THEMIS: variants seen among roughly 807,000 people sequenced by gnomAD.
THEMIS encodes thymocyte selection associated.
Under a neutral mutation model 52.6 loss-of-function variants are expected in THEMIS, and 37 were observed. That is an observed-to-expected ratio of 0.70 (90% confidence interval 0.54 to 0.93). THEMIS has a LOEUF of 0.93. THEMIS is among the 40% of genes least tolerant of loss of function. THEMIS has a pLI of 0.00. For missense variants in THEMIS, 808 were observed against 763.1 expected, an observed-to-expected ratio of 1.06 and a Z score of -0.69; for synonymous variants, 292 against 272.7, an observed-to-expected ratio of 1.07 and a Z score of -0.70.
rs185236025 is a variant in THEMIS, at chr6:127,711,603, T to C, written c.1895-1587A>G. On this transcript the variant is annotated intron_variant, in intron 5 of 5. Coordinates refer to ENST00000368248, the MANE Select transcript of THEMIS (RefSeq NM_001010923.3). ...ACTGTCCTCAATGGCTGCCTTTAGC[T>C]TTTTAGATCTTTCTTATATGACAAA... 5.8e-3 allele frequency among the ~76,000 whole-genome samples: 882 copies of C among 152,090 alleles called. 5 individuals carry two copies. The highest frequency in any genetic ancestry group is 1.0e-2 in the Non-Finnish European group (678 of 67,918).
intron 4 of THEMIS, among the ~76,000 whole-genome samples, chr6:127,731,859 G>A (rs1442090162): frequency 1.0e-4 from 3 of 28,888 alleles, no homozygotes; most frequent in Non-Finnish European, 1.3e-4. Flanking sequence ...CACCATGCCC[G>A]GCTAATTTTT....
chr6:127,700,973 TAAGTAC>T, the THEMIS span, among the ~76,000 whole-genome samples: 1 of 152,120 alleles, frequency 6.6e-6, no homozygotes, highest in African/African-American at 2.4e-5. Flanking sequence ...TACCCCAGGA[TAAGTAC>T]TATTTTCAAA....
intron 4 of THEMIS, among the ~76,000 whole-genome samples, chr6:127,774,091 C>G (rs755717508): frequency 1.3e-5 from 2 of 152,202 alleles, no homozygotes; most frequent in Non-Finnish European, 2.9e-5. Context: ...GATGCTGTGA[C>G]AACTGCATCT....
intron 4 of THEMIS, among the ~76,000 whole-genome samples, chr6:127,789,520 G>T (rs269993): frequency 0.47 from 71,560 of 151,862 alleles, 17,779 homozygotes; most frequent in Non-Finnish European, 0.53. Flanking sequence ...TCCTAACTCA[G>T]TTTCAGAGAC....
chr6:127,819,348 A>G (rs1318929847), intron 3 of THEMIS, among the ~76,000 whole-genome samples: 1 of 152,114 alleles, frequency 6.6e-6, no homozygotes. Flanking sequence ...AAGATGTAAC[A>G]TGTATGTCCT....
Position 127,835,431 on chromosome 6 carries a change from A to T in THEMIS, c.251-5497T>A, listed in dbSNP as rs143668291. Among the ~76,000 whole-genome samples, 149 of 152,306 alleles carry T rather than the reference A, an allele frequency of 9.8e-4. 1 individual carries two copies. The highest frequency in any genetic ancestry group is 3.4e-3 in the African/African-American group (143 of 41,574). ...TCTCAGGGCTACAATTTCATTTTTC[A>T]TAAAATGAGAAAAATTATATCATCT... On this transcript the variant is annotated intron_variant, in intron 2 of 5. Coordinates refer to ENST00000368248, the MANE Select transcript of THEMIS (RefSeq NM_001010923.3).
At chr6:127,834,264 G>A (rs1339829366) in intron 2 of THEMIS, among the ~76,000 whole-genome samples, 2 of 151,982 alleles carry the variant, frequency 1.3e-5, no homozygotes, top group Non-Finnish European at 2.9e-5. Flanking sequence ...GTGTTCAAAT[G>A]TCTTTACATT....
intron 5 of THEMIS, among the ~76,000 whole-genome samples, chr6:127,714,142 T>C (rs1774078301): frequency 6.6e-6 from 1 of 151,874 alleles, no homozygotes; most frequent in Non-Finnish European, 1.5e-5. Flanking sequence ...TCTAGTGCAT[T>C]ATTTTTCAAA....
downstream of THEMIS, among the ~76,000 whole-genome samples, chr6:127,704,677 CAGCAGCACTTTGCAAGATAGA>C (rs1409764520): frequency 6.6e-6 from 1 of 152,190 alleles, no homozygotes; most frequent in East Asian, 1.9e-4. Flanking sequence ...GTAAGCCCAG[CAGCAGCACTTTGCAAGATAGA>C]AGCAGCACAT....
intron 5 of THEMIS, among the ~76,000 whole-genome samples, chr6:127,717,256 G>A (rs1468746937): frequency 6.6e-6 from 1 of 150,840 alleles, no homozygotes; most frequent in Non-Finnish European, 1.5e-5. Context: ...TACAAATAAA[G>A]GAATAGTCTT....
upstream of THEMIS, among the ~76,000 whole-genome samples, chr6:127,901,730 A>T (rs1303907549): frequency 6.6e-6 from 1 of 152,100 alleles, no homozygotes; most frequent in African/African-American, 2.4e-5. Flanking sequence ...TTTGATTTAC[A>T]GGCTAACGTC....
chr6:127,810,809 A>G (rs1479499622), intron 4 of THEMIS, among the ~76,000 whole-genome samples: 1 of 151,978 alleles, frequency 6.6e-6, no homozygotes, highest in Non-Finnish European at 1.5e-5. Flanking sequence ...CAAAGAGATT[A>G]TCTTCTTCTC....
chr6:127,798,781 G>A (rs541518891), intron 4 of THEMIS, among the ~76,000 whole-genome samples: 1 of 152,110 alleles, frequency 6.6e-6, no homozygotes, highest in African/African-American at 2.4e-5. Flanking sequence ...ACGAGGTCAG[G>A]AGATCGAGAC....
intron 2 of THEMIS, among the ~76,000 whole-genome samples, chr6:127,843,098 A>G (rs1779103565): frequency 1.3e-5 from 2 of 152,020 alleles, no homozygotes. Flanking sequence ...GAAACATATG[A>G]AAGAAATTTT....
chr6:127,701,932 T>C, the THEMIS span, among the ~76,000 whole-genome samples: 1 of 152,150 alleles, frequency 6.6e-6, no homozygotes, highest in Non-Finnish European at 1.5e-5. Context: ...TTATACCTTC[T>C]GGATACCATT....
chr6:127,760,701 C>A, intron 4 of THEMIS, among the ~76,000 whole-genome samples: 1 of 152,038 alleles, frequency 6.6e-6, no homozygotes, highest in South Asian at 2.1e-4. Context: ...GATTTGGGAC[C>A]AGGAGTTAAA....
intron 4 of THEMIS, among the ~76,000 whole-genome samples, chr6:127,746,485 T>A (rs536403673): frequency 6.6e-6 from 1 of 150,932 alleles, no homozygotes; most frequent in Non-Finnish European, 1.5e-5. Flanking sequence ...AAAATTTAAT[T>A]CAACTGAGTT....
At chr6:127,887,374 G>T (rs1462067551) in intron 1 of THEMIS, among the ~76,000 whole-genome samples, 1 of 152,078 alleles carries the variant, frequency 6.6e-6, no homozygotes, top group Non-Finnish European at 1.5e-5. Flanking sequence ...TAGCGTGGAT[G>T]TTAAGAAACT....
intron 1 of THEMIS, among the ~76,000 whole-genome samples, chr6:127,896,472 A>T (rs1429258521): frequency 5.3e-5 from 8 of 151,584 alleles, no homozygotes; most frequent in Non-Finnish European, 7.4e-5. Context: ...AATGTTATTG[A>T]CAGAAATGAA....
Sources: allele counts gnomAD v4.1 joint callset (sites outside exome capture counted in the v4.1 genomes callset), GRCh38; gene constraint gnomAD v4.1.1; transcripts MANE v1.5; gene names NCBI Gene and HGNC (gene_info 2026-07-23, HGNC 2026-07-21).